The following NREP variants were observed in gnomAD, a reference collection of about 807,000 sequenced individuals.
NREP encodes the protein neuronal regeneration-related protein.
A neutral mutation model predicts 8.6 loss-of-function variants in NREP; 5 were observed. The ratio of observed to expected loss-of-function variants is 0.58; its 90% confidence interval spans 0.30 to 1.22. The LOEUF is 1.22. NREP is among the 50% of genes most tolerant of loss of function. NREP has a pLI of 0.07. For missense variants in NREP, 86 were observed against 82.5 expected (o/e 1.04, Z -0.17); for synonymous variants, 27 against 28.0 (o/e 0.96, Z 0.11).
chr5:111,813,201 C>T (rs1374557724), intron 2 of NREP, among the ~76,000 whole-genome samples: 2 of 152,054 alleles, frequency 1.3e-5, no homozygotes, highest in South Asian at 2.1e-4. Flanking sequence ...TTAGCTGGTC[C>T]GTGGCAGAGC....
chr5:111,936,496 TTAA>T (rs1398053541), intron 2 of NREP, among the ~76,000 whole-genome samples: 1 of 152,122 alleles, frequency 6.6e-6, no homozygotes, highest in Non-Finnish European at 1.5e-5. Context: ...AGGTAGTTTC[TTAA>T]TAGTAGTGTA....
At chr5:111,829,229 T>A (rs775907803) in intron 2 of NREP, among the ~76,000 whole-genome samples, 4 of 151,260 alleles carry the variant, frequency 2.6e-5, no homozygotes, top group Non-Finnish European at 5.9e-5. Context: ...TGCTAAGGAG[T>A]TGAGACTTTC....
At chr5:111,850,325 C>CT (rs1753277997) in intron 2 of NREP, among the ~76,000 whole-genome samples, 1 of 152,084 alleles carries the variant, frequency 6.6e-6, no homozygotes, top group South Asian at 2.1e-4. Context: ...GGACTCATGA[C>CT]TTTATTCAAT....
At chr5:111,934,210 G>A (rs1424137784) in intron 2 of NREP, among the ~76,000 whole-genome samples, 1 of 152,070 alleles carries the variant, frequency 6.6e-6, no homozygotes, top group Non-Finnish European at 1.5e-5. Context: ...ATACTCTCCA[G>A]GTGAGAGAGA....
chr5:111,877,172 G>A (rs1184796951), intron 2 of NREP, among the ~76,000 whole-genome samples: 4 of 152,116 alleles, frequency 2.6e-5, no homozygotes, highest in African/African-American at 2.4e-5. Context: ...ACCTGTCACT[G>A]GAACATATCA....
chr5:111,929,326 T>A (rs1361112275), intron 2 of NREP, among the ~76,000 whole-genome samples: 4 of 152,200 alleles, frequency 2.6e-5, no homozygotes, highest in Non-Finnish European at 5.9e-5. Context: ...TTTAGTATAC[T>A]AAGGAATTTT....
intron 2 of NREP, among the ~76,000 whole-genome samples, chr5:111,907,662 CT>C (rs1431226523): frequency 6.6e-6 from 1 of 152,022 alleles, no homozygotes; most frequent in African/African-American, 2.4e-5. Flanking sequence ...TAAACTTTTA[CT>C]TCTATTTCTT....
intron 2 of NREP, among the ~76,000 whole-genome samples, chr5:111,778,581 G>C (rs1751416956): frequency 1.3e-5 from 2 of 152,058 alleles, no homozygotes; most frequent in African/African-American, 4.8e-5. Context: ...TGTGATGTAG[G>C]CTTTTCCCAC....
chr5:111,909,514 T>C (rs541875302), intron 2 of NREP, among the ~76,000 whole-genome samples: 2 of 152,074 alleles, frequency 1.3e-5, no homozygotes, highest in South Asian at 4.1e-4. Context: ...TGTTAGTGTA[T>C]TTAGCAGCTC....
chr5:111,755,669 G>A (rs1750654186), intron 2 of NREP, 101 bp downstream of exon 2: 2 of 1,331,412 alleles, frequency 1.5e-6, no homozygotes, highest in Admixed American at 1.7e-5. Context: ...ATGGGGTGTA[G>A]AACAATGAAG....
At chr5:111,943,426 A>G (rs1755887426) in intron 2 of NREP, among the ~76,000 whole-genome samples, 1 of 151,982 alleles carries the variant, frequency 6.6e-6, no homozygotes, top group African/African-American at 2.4e-5. Context: ...TGGGTGGTGA[A>G]GAGTCCATGT....
chr5:111,789,637 AC>A (rs1454791148), intron 2 of NREP, among the ~76,000 whole-genome samples: 1 of 150,058 alleles, frequency 6.7e-6, no homozygotes, highest in African/African-American at 2.5e-5. Flanking sequence ...AAGCATATAG[AC>A]CCCCATGGTT....
At chr5:111,798,849 C>T (rs560118632) in intron 2 of NREP, among the ~76,000 whole-genome samples, 1 of 150,148 alleles carries the variant, frequency 6.7e-6, no homozygotes, top group African/African-American at 2.5e-5. Flanking sequence ...AAGCTGGTTC[C>T]ATATTTTGCA....
chr5:111,948,931 C>T (rs2112630426), intron 2 of NREP: 1 of 152,036 alleles, frequency 6.6e-6, no homozygotes. Flanking sequence ...TAACAAAGAA[C>T]AATATTGCTG....
upstream of NREP, among the ~76,000 whole-genome samples, chr5:111,762,248 G>A (rs544980883): frequency 1.3e-5 from 2 of 152,200 alleles, no homozygotes; most frequent in African/African-American, 2.4e-5. Flanking sequence ...GGATGATGAT[G>A]GGATTTCCTA....
At chr5:111,776,890 T>C (rs1436819190) in intron 2 of NREP, among the ~76,000 whole-genome samples, 2 of 152,168 alleles carry the variant, frequency 1.3e-5, no homozygotes, top group Admixed American at 6.5e-5. Context: ...ATTGGTCATG[T>C]GTTACCTTAT....
intron 2 of NREP, among the ~76,000 whole-genome samples, chr5:111,808,639 G>C (rs751364896): frequency 2.0e-5 from 3 of 152,064 alleles, no homozygotes; most frequent in East Asian, 1.9e-4. Context: ...TCCTCTGCTG[G>C]AATCATTTCT....
chr5:111,821,121 AC>A (rs1561680024), intron 2 of NREP, among the ~76,000 whole-genome samples: 2 of 152,190 alleles, frequency 1.3e-5, no homozygotes, highest in African/African-American at 2.4e-5. Context: ...TTAGCCTTAG[AC>A]CCAGGGCCAC....
rs1300065366 is a variant in NREP at position 111,757,095 on chromosome 5, A to T, written c.-59+41T>A. ...GGCAAGGAATCGACACAAAAGAGAA[A>T]CCAGCGCTCCCAGCCGGGGATAGGA... is the stretch of plus-strand genomic sequence containing the variant. On this transcript the variant is annotated intron_variant, in intron 1 of 3. Transcript: ENST00000257435. 6.8e-6 allele frequency: 4 copies of T among 592,320 alleles called. No individual in the cohort carries two copies. In the Admixed American group the frequency reaches 2.5e-4, roughly 37 times the overall value. 36.7% of individuals were successfully genotyped at this position (592,320 alleles called of 1,614,324 possible).
Sources: allele counts gnomAD v4.1 joint callset (sites outside exome capture counted in the v4.1 genomes callset), GRCh38; gene constraint gnomAD v4.1.1; transcripts MANE v1.5; gene names NCBI Gene and HGNC (gene_info 2026-07-23, HGNC 2026-07-21).